Variants in FOXP2 observed in about 807,000 individuals in gnomAD.
The protein encoded by FOXP2 is forkhead box P2.
In FOXP2, 12 loss-of-function variants were observed where a neutral mutation model predicts 115.8. The ratio of observed to expected loss-of-function variants is 0.10; its 90% CI spans 0.07 to 0.17. The LOEUF is 0.17. Ranked by LOEUF, FOXP2 falls within the 10% of genes least tolerant of loss-of-function variation. The pLI is 1.00. For missense variants in FOXP2, 629 were observed against 843.5 expected (o/e 0.75, Z 3.15); for synonymous variants, 328 against 297.7 (o/e 1.10, Z -1.05).
chr7:114,098,802 T>C (rs1799707930), intron 1 of FOXP2, among the ~76,000 whole-genome samples: 1 of 152,058 alleles, frequency 6.6e-6, no homozygotes, highest in South Asian at 2.1e-4. Flanking sequence ...ATTTGCAAAT[T>C]TTATCTCTGG....
chr7:114,690,786 C>A lies in FOXP2; in HGVS notation c.*860C>A, dbSNP rs749247842. 2.2e-6 allele frequency: 1 copy of A among 454,518 alleles called. No individual in the cohort carries two copies. Among genetic ancestry groups the A allele is most frequent in the South Asian group, 1.6e-5 (1 of 64,476 alleles). 28.2% of individuals were successfully genotyped at this position (454,518 alleles called of 1,614,324 possible). On this transcript the variant is annotated 3_prime_UTR_variant, in exon 17 of 17. Coordinates refer to ENST00000350908, the MANE Select transcript of FOXP2 (RefSeq NM_014491.4). The stretch of plus-strand genomic sequence containing the variant: ...CTAACCATGGCCAAGAGCTCAAGGA[C>A]AGAAGCAGCCACATGCTTTGGTCAG...
At chr7:114,423,691 T>A (rs76477277) in intron 1 of FOXP2, among the ~76,000 whole-genome samples, 130 of 151,760 alleles carry the variant, frequency 8.6e-4, no homozygotes, top group Non-Finnish European at 1.5e-3. Flanking sequence ...TATGCTGAAT[T>A]TATTATTATT....
intron 13 of FOXP2, 139 bp downstream of exon 13, chr7:114,659,812 C>G: frequency 1.4e-6 from 1 of 723,336 alleles, no homozygotes; most frequent in Non-Finnish European, 2.5e-6. Context: ...GAATGAATTC[C>G]CTCTCTCAAA....
At chr7:114,628,887 T>C in intron 4 of FOXP2, 2 of 576,610 alleles carry the variant, frequency 3.5e-6, no homozygotes, top group Non-Finnish European at 6.0e-6. Context: ...AAGTCTAGAA[T>C]AAGAGCAGAG....
chr7:114,568,572 C>T (rs932635531), intron 3 of FOXP2, among the ~76,000 whole-genome samples: 4 of 151,738 alleles, frequency 2.6e-5, no homozygotes, highest in African/African-American at 9.7e-5. Flanking sequence ...AATTATGTTT[C>T]TGAGTCAGTT....
At chr7:114,288,482 T>G (rs1358747444) in intron 2 of FOXP2, among the ~76,000 whole-genome samples, 1 of 151,790 alleles carries the variant, frequency 6.6e-6, no homozygotes, top group African/African-American at 2.4e-5. Flanking sequence ...TCAGTATTAT[T>G]TTTTAAAAGT....
At chr7:114,268,130 G>C (rs1389680819) in intron 1 of FOXP2, among the ~76,000 whole-genome samples, 1 of 152,090 alleles carries the variant, frequency 6.6e-6, no homozygotes. Context: ...CAAGCATCAG[G>C]ACATAGTATA....
At chr7:114,155,052 G>A (rs1031446568) in intron 1 of FOXP2, among the ~76,000 whole-genome samples, 7 of 152,016 alleles carry the variant, frequency 4.6e-5, no homozygotes, top group Non-Finnish European at 8.8e-5. Context: ...TTCTAAAATT[G>A]GCTGCTAATA....
intron 1 of FOXP2, among the ~76,000 whole-genome samples, chr7:114,112,618 T>A (rs913039840): frequency 1.3e-4 from 20 of 152,084 alleles, no homozygotes; most frequent in Admixed American, 1.0e-3. Flanking sequence ...GCACTTCTAA[T>A]GCTTGTACTG....
intron 1 of FOXP2, among the ~76,000 whole-genome samples, chr7:114,225,810 T>C (rs542907927): frequency 7.2e-5 from 11 of 152,208 alleles, no homozygotes; most frequent in Admixed American, 1.3e-4. Context: ...ACAATACTTA[T>C]ATTATTCTTT....
intron 3 of FOXP2, among the ~76,000 whole-genome samples, chr7:114,614,243 C>A (rs961322221): frequency 3.9e-5 from 6 of 152,154 alleles, no homozygotes; most frequent in Non-Finnish European, 8.8e-5. Context: ...CACAGTCTGA[C>A]CCTTCCCAAT....
intron 2 of FOXP2, among the ~76,000 whole-genome samples, chr7:114,520,595 C>T (rs1405751543): frequency 6.6e-6 from 1 of 151,962 alleles, no homozygotes; most frequent in African/African-American, 2.4e-5. Flanking sequence ...AGTGAAATAT[C>T]TGGTACAATG....
At chr7:114,686,445 T>A (rs566620907) in intron 16 of FOXP2, among the ~76,000 whole-genome samples, 1 of 152,340 alleles carries the variant, frequency 6.6e-6, no homozygotes, top group East Asian at 1.9e-4. Context: ...AGTGCTGGGA[T>A]AACAGGAGTG....
At chr7:114,300,631 A>G (rs1475382546) in intron 2 of FOXP2, among the ~76,000 whole-genome samples, 1 of 152,036 alleles carries the variant, frequency 6.6e-6, no homozygotes, top group African/African-American at 2.4e-5. Context: ...TCATTCCTCA[A>G]GCATTCTTAG....
chr7:114,397,600 C>T (rs1688006281), intron 2 of FOXP2, among the ~76,000 whole-genome samples: 1 of 152,050 alleles, frequency 6.6e-6, no homozygotes, highest in South Asian at 2.1e-4. Flanking sequence ...TTAAAATACC[C>T]TAAGATGGCA....
chr7:114,296,987 C>T, intron 2 of FOXP2: 1 of 217,722 alleles, frequency 4.6e-6, no homozygotes, highest in Non-Finnish European at 9.2e-6. Flanking sequence ...AAAAATTTTG[C>T]TAAAACATTT....
intron 1 of FOXP2, among the ~76,000 whole-genome samples, chr7:114,107,886 G>A (rs1791160867): frequency 6.6e-6 from 1 of 151,818 alleles, no homozygotes; most frequent in Non-Finnish European, 1.5e-5. Context: ...GGAATCTTGG[G>A]ATTCCATTGT....
chr7:114,592,710 A>G (rs927109379), intron 3 of FOXP2, among the ~76,000 whole-genome samples: 2 of 152,058 alleles, frequency 1.3e-5, no homozygotes, highest in African/African-American at 4.8e-5. Flanking sequence ...AGAACAATGA[A>G]TATTACAATA....
intron 1 of FOXP2, among the ~76,000 whole-genome samples, chr7:114,271,911 A>G (rs1246432788): frequency 7.8e-6 from 1 of 128,942 alleles, no homozygotes; most frequent in East Asian, 2.1e-4. Context: ...TTATTAATAT[A>G]ATTATAATAT....
Sources: allele counts gnomAD v4.1 joint callset (sites outside exome capture counted in the v4.1 genomes callset), GRCh38; gene constraint gnomAD v4.1.1; transcripts MANE v1.5; gene names NCBI Gene and HGNC (gene_info 2026-07-23, HGNC 2026-07-21).